NDE1: variants seen among roughly 807,000 people sequenced by gnomAD.
NDE1 encodes the protein nudE neurodevelopment protein 1.
A neutral mutation model predicts 43.4 loss-of-function variants in NDE1; 28 were observed. That is an observed-to-expected ratio of 0.65 (90% CI 0.48 to 0.89). The LOEUF (loss-of-function observed/expected upper bound fraction) is 0.89. NDE1 is among the 40% of genes least tolerant of loss of function. The pLI is 0.00. For missense variants in NDE1, 441 were observed against 434.1 expected (o/e 1.02, Z -0.14); for synonymous variants, 184 against 172.0 (o/e 1.07, Z -0.55).
At chr16:15,667,591 T>C in intron 3 of NDE1, 152 bp downstream of exon 3, 1 of 888,148 alleles carries the variant, frequency 1.1e-6, no homozygotes, top group African/African-American at 1.7e-5. Flanking sequence ...GACGTGATCT[T>C]TGAACTCTTT....
At chr16:15,720,361 C>A (rs1308064430) in intron 8 of NDE1, 2 of 1,586,918 alleles carry the variant, frequency 1.3e-6, no homozygotes, top group East Asian at 4.6e-5. Context: ...CCTGGGAGGT[C>A]CTTTGGCTCA....
Position 15,675,123 on chromosome 16 carries a change from C to G in NDE1, c.238-2678C>G, listed in dbSNP as rs562378448. ...TTGGGAGTGGGCAGGATTCAAGGTGCTCAAGGGGCAGGAGGTGGGAGGCAC... is the reference window on the plus strand; with the variant it reads ...TTGGGAGTGGGCAGGATTCAAGGTGGTCAAGGGGCAGGAGGTGGGAGGCAC... On this transcript the variant is annotated intron_variant, in intron 3 of 8. Transcript: ENST00000396354. Among the ~76,000 whole-genome samples the G allele has an allele frequency of 1.7e-4, 26 of 152,054 alleles. 2 individuals are homozygous for G. The South Asian group carries it at 3.3e-3, about 20-fold the overall frequency.
chr16:15,667,872 C>T (rs2037398219), intron 3 of NDE1, among the ~76,000 whole-genome samples: 1 of 151,654 alleles, frequency 6.6e-6, no homozygotes, highest in Non-Finnish European at 1.5e-5. Context: ...CCTCGGGATC[C>T]ATGATGGGTG....
In NDE1 at chr16:15,724,274, G is replaced by A. The variant is rs768512734; in HGVS notation, c.*23G>A. The A allele has an allele frequency of 3.1e-6, 5 of 1,614,206 alleles. No homozygotes were observed. Among genetic ancestry groups the A allele is most frequent in the Non-Finnish European group, 3.4e-6 (4 of 1,180,044 alleles). On this transcript the variant is annotated 3_prime_UTR_variant, in exon 9 of 9. Coordinates refer to ENST00000396354, the MANE Select transcript of NDE1 (RefSeq NM_017668.3). ...TGAAGCCTGTTCTTGGTCTTTTCCA[G>A]TTTATCATAAGCGGCCGCCTTCTCC...
intron 2 of NDE1, among the ~76,000 whole-genome samples, chr16:15,666,323 A>G (rs2037305198): frequency 6.6e-6 from 1 of 151,998 alleles, no homozygotes; most frequent in Non-Finnish European, 1.5e-5. Flanking sequence ...TCATTTATTG[A>G]AAAATTATTT....
rs558935008 is a variant in NDE1 at position 15,701,922 on chromosome 16, C to T, written c.947+5062C>T. ...AAAATCAAGAGAAACGAATGTTGAA[C>T]TTGTTGGGCTTCTGGTCAAAGAGGC... is the stretch of plus-strand genomic sequence containing the variant. On this transcript the variant is annotated intron_variant, in intron 8 of 8. Transcript: ENST00000396354. 5 of 152,190 alleles carry T rather than the reference C, an allele frequency of 3.3e-5. No homozygotes were observed. In the East Asian group the frequency reaches 9.7e-4, roughly 29 times the overall value. The allele number at this position is 152,190 out of a possible 1,614,324, so 9.4% of individuals were successfully genotyped here. A position where few individuals can be genotyped will look rare whatever the true frequency, so the allele number is the denominator to read the frequency against.
chr16:15,699,530 C>A (rs1330480794), intron 8 of NDE1: 1 of 1,183,270 alleles, frequency 8.5e-7, no homozygotes, highest in East Asian at 5.9e-5. Flanking sequence ...GGGTCTGAGA[C>A]TGGGCGTTTT....
At chr16:15,674,550 G>A (rs1011261476) in intron 3 of NDE1, among the ~76,000 whole-genome samples, 1 of 152,068 alleles carries the variant, frequency 6.6e-6, no homozygotes, top group African/African-American at 2.4e-5. Context: ...CTCCCGGCCT[G>A]TCTTTGTTTT....
In NDE1 at chr16:15,691,063, C is replaced by T. The variant is rs1255073851; in HGVS notation, c.524-81C>T. On this transcript the variant is annotated intron_variant, in intron 5 of 8. Transcript: ENST00000396354. ...CCTCAGGCGATCCACCTGCCTTGGC[C>T]TCCCAAAGTGCTGGCATTATAAACA... is the stretch of plus-strand genomic sequence containing the variant. 4.4e-6 allele frequency: 7 copies of T among 1,581,382 alleles called. No homozygotes were observed. In the Admixed American group the frequency reaches 1.0e-4, roughly 23 times the overall value.
At chr16:15,676,093 C>G (rs1006517734) in intron 3 of NDE1, among the ~76,000 whole-genome samples, 1 of 151,812 alleles carries the variant, frequency 6.6e-6, no homozygotes, top group Non-Finnish European at 1.5e-5. Flanking sequence ...TAACATAGAT[C>G]TCTCTCCCTT....
chr16:15,661,557 C>T lies in NDE1; in HGVS notation c.-43-3179C>T, dbSNP rs28420343. 9.9e-3 allele frequency among the ~76,000 whole-genome samples: 1,508 copies of T among 151,654 alleles called. 24 individuals carry two copies. The highest frequency in any genetic ancestry group is 0.035 in the African/African-American group (1,444 of 41,332). The stretch of plus-strand genomic sequence containing the variant: ...TCACTGCAGCCTCGACCTCTCCTTG[C>T]CCCTCATCCTCTCGAGTAGCTGGAA... On this transcript the variant is annotated intron_variant, in intron 1 of 8. Coordinates refer to ENST00000396354, the MANE Select transcript of NDE1 (RefSeq NM_017668.3).
chr16:15,690,517 C>G (rs1205566437), intron 5 of NDE1, among the ~76,000 whole-genome samples: 2 of 151,546 alleles, frequency 1.3e-5, no homozygotes, highest in African/African-American at 4.8e-5. Flanking sequence ...GTCACTGCTC[C>G]CGGGCATATT....
intron 7 of NDE1, 48 bp from the exon 8 acceptor site, chr16:15,696,661 A>G (rs1430947347): frequency 1.2e-6 from 2 of 1,613,918 alleles, no homozygotes; most frequent in African/African-American, 1.3e-5. Flanking sequence ...GGTAAGACAG[A>G]ATAGTCCTTG....
intron 3 of NDE1, among the ~76,000 whole-genome samples, chr16:15,672,053 A>G: frequency 1.3e-5 from 2 of 152,092 alleles, no homozygotes; most frequent in East Asian, 3.9e-4. Flanking sequence ...GATTAGTGGT[A>G]TGAACTGCAG....
In NDE1 at chr16:15,725,122, A is replaced by T; in HGVS notation, c.*871A>T. On this transcript the variant is annotated 3_prime_UTR_variant, in exon 9 of 9. Coordinates refer to ENST00000396354, the MANE Select transcript of NDE1 (RefSeq NM_017668.3). ...CTGATTGAGAAAATACCCGTGAGGT[A>T]TGGGACTCTGATAAAAAAAAAAAAA... The T allele has an allele frequency of 1.2e-5, 8 of 668,862 alleles. No homozygotes were observed. Among genetic ancestry groups the T allele is most frequent in the Non-Finnish European group, 2.1e-5 (8 of 385,748 alleles). 41.4% of individuals were successfully genotyped at this position (668,862 alleles called of 1,614,324 possible). A position where few individuals can be genotyped will look rare whatever the true frequency, so the allele number is the denominator to read the frequency against.
At chr16:15,695,550 A>G (rs1294880798) in intron 7 of NDE1, 32 of 984,640 alleles carry the variant, frequency 3.2e-5, no homozygotes, top group Non-Finnish European at 3.5e-5. Context: ...TTGGCCTTTC[A>G]GCTTTTATGT....
At chr16:15,699,970 G>A (rs140434500) in intron 8 of NDE1, 3 of 1,205,876 alleles carry the variant, frequency 2.5e-6, no homozygotes, top group Admixed American at 3.2e-5. Context: ...GCCAATGACC[G>A]AGGCCATCAC....
intron 4 of NDE1, among the ~76,000 whole-genome samples, chr16:15,680,729 G>A (rs749972904): frequency 1.3e-5 from 2 of 151,946 alleles, no homozygotes; most frequent in African/African-American, 2.4e-5. Context: ...TAGCAGAGAC[G>A]GAGTTTTGCG....
At chr16:15,694,986 C>A (rs2038940772) in intron 7 of NDE1, 6 of 851,448 alleles carry the variant, frequency 7.0e-6, no homozygotes, top group Non-Finnish European at 8.5e-6. Context: ...GCCCGGGCAA[C>A]ATGGTGAAAC....
Sources: allele counts gnomAD v4.1 joint callset (sites outside exome capture counted in the v4.1 genomes callset), GRCh38; gene constraint gnomAD v4.1.1; transcripts MANE v1.5; gene names NCBI Gene and HGNC (gene_info 2026-07-23, HGNC 2026-07-21).